FBXL7: variants seen among roughly 807,000 people sequenced by gnomAD.
The protein encoded by FBXL7 is F-box and leucine rich repeat protein 7.
A neutral mutation model predicts 38.3 loss-of-function variants in FBXL7; 12 were observed. That is an observed-to-expected ratio of 0.31 (90% CI 0.20 to 0.51). FBXL7 has a LOEUF of 0.51. Ranked by LOEUF, FBXL7 falls within the 20% of genes least tolerant of loss-of-function variation. The pLI, the probability that FBXL7 is intolerant of heterozygous loss-of-function variation, is 0.98. For missense variants in FBXL7, 567 were observed against 676.4 expected (o/e 0.84, Z 1.79); for synonymous variants, 297 against 300.9 (o/e 0.99, Z 0.13).
intron 2 of FBXL7, among the ~76,000 whole-genome samples, chr5:15,861,305 G>A (rs1477996756): frequency 1.3e-5 from 2 of 152,216 alleles, no homozygotes; most frequent in Non-Finnish European, 2.9e-5. Flanking sequence ...TGTATCTGAA[G>A]TCTTTGAAAA....
chr5:15,924,148 G>T (rs915530218), intron 2 of FBXL7, among the ~76,000 whole-genome samples: 6 of 151,914 alleles, frequency 3.9e-5, no homozygotes, highest in Admixed American at 2.0e-4. Flanking sequence ...GTCCAAAATT[G>T]GTTTATATTT....
intron 1 of FBXL7, among the ~76,000 whole-genome samples, chr5:15,607,923 A>G (rs1740084444): frequency 6.6e-6 from 1 of 152,250 alleles, no homozygotes; most frequent in African/African-American, 2.4e-5. Context: ...AAATTAAAGA[A>G]GGCACAAAAT....
intron 2 of FBXL7, among the ~76,000 whole-genome samples, chr5:15,922,873 T>G: frequency 6.6e-6 from 1 of 152,202 alleles, no homozygotes; most frequent in East Asian, 1.9e-4. Context: ...TTTAGCCCAA[T>G]GCATATCATC....
intron 2 of FBXL7, among the ~76,000 whole-genome samples, chr5:15,751,107 A>G (rs1278859276): frequency 1.3e-5 from 2 of 152,130 alleles, no homozygotes; most frequent in South Asian, 2.1e-4. Context: ...CCAAGGTGCT[A>G]TGATTTCTGA....
intron 2 of FBXL7, among the ~76,000 whole-genome samples, chr5:15,766,541 A>G (rs1736597042): frequency 6.6e-6 from 1 of 152,226 alleles, no homozygotes; most frequent in Non-Finnish European, 1.5e-5. Flanking sequence ...AGTAGCCAGG[A>G]GCCAGATCTA....
intron 1 of FBXL7, among the ~76,000 whole-genome samples, chr5:15,602,728 T>TC (rs571378204): frequency 3.4e-4 from 52 of 151,190 alleles, no homozygotes; most frequent in African/African-American, 1.3e-3. Flanking sequence ...CCCTTTACCC[T>TC]CCCCCCAAAA....
At chr5:15,632,216 A>G (rs1340142676) in intron 2 of FBXL7, among the ~76,000 whole-genome samples, 1 of 152,198 alleles carries the variant, frequency 6.6e-6, no homozygotes, top group Non-Finnish European at 1.5e-5. Context: ...AACGTCCTTT[A>G]TTATACCTTA....
chr5:15,682,727 G>A (rs758950627), intron 2 of FBXL7, among the ~76,000 whole-genome samples: 5 of 152,152 alleles, frequency 3.3e-5, no homozygotes, highest in East Asian at 3.9e-4. Flanking sequence ...AAGGGCTCTT[G>A]GTTAAGGGGA....
At chr5:15,543,386 C>T (rs1183394623) in intron 1 of FBXL7, among the ~76,000 whole-genome samples, 1 of 152,192 alleles carries the variant, frequency 6.6e-6, no homozygotes, top group Non-Finnish European at 1.5e-5. Context: ...TCAATTGTGT[C>T]CACCTGGCTC....
intron 2 of FBXL7, among the ~76,000 whole-genome samples, chr5:15,766,959 G>C (rs749376411): frequency 3.9e-5 from 6 of 152,046 alleles, no homozygotes; most frequent in Non-Finnish European, 7.4e-5. Flanking sequence ...AAACAACTCT[G>C]TTTTAAAAAT....
At chr5:15,727,158 C>T (rs1463409915) in intron 2 of FBXL7, among the ~76,000 whole-genome samples, 2 of 152,028 alleles carry the variant, frequency 1.3e-5, no homozygotes, top group Non-Finnish European at 2.9e-5. Context: ...ACAAAATTAC[C>T]TCTTTATACA....
chr5:15,895,485 A>T (rs1277722750), intron 2 of FBXL7, among the ~76,000 whole-genome samples: 1 of 152,154 alleles, frequency 6.6e-6, no homozygotes, highest in African/African-American at 2.4e-5. Flanking sequence ...TTAAAATATC[A>T]TAAGTAAAGA....
At chr5:15,514,321 G>A (rs1580346032) in intron 1 of FBXL7, among the ~76,000 whole-genome samples, 1 of 151,942 alleles carries the variant, frequency 6.6e-6, no homozygotes, top group East Asian at 1.9e-4. Context: ...TTTTGCTGTC[G>A]CTGAAGATCA....
intron 1 of FBXL7, among the ~76,000 whole-genome samples, chr5:15,513,997 T>A (rs979422500): frequency 1.3e-5 from 2 of 152,180 alleles, no homozygotes; most frequent in Non-Finnish European, 2.9e-5. Flanking sequence ...TGGGGAGTCT[T>A]TCTGCACTCC....
intron 1 of FBXL7, among the ~76,000 whole-genome samples, chr5:15,596,868 C>T (rs2126487861): frequency 6.6e-6 from 1 of 152,306 alleles, no homozygotes; most frequent in East Asian, 1.9e-4. Flanking sequence ...CATGCCCCTT[C>T]CCACATACCT....
intron 2 of FBXL7, among the ~76,000 whole-genome samples, chr5:15,764,843 G>A (rs1405973878): frequency 4.6e-5 from 7 of 152,330 alleles, no homozygotes; most frequent in African/African-American, 1.4e-4. Context: ...ATAATCTAGA[G>A]CAGAAGTTTA....
chr5:15,701,404 C>A (rs1411755822), intron 2 of FBXL7, among the ~76,000 whole-genome samples: 14 of 152,214 alleles, frequency 9.2e-5, no homozygotes, highest in Non-Finnish European at 1.8e-4. Flanking sequence ...AATTTACCAG[C>A]TATTCATCAG....
At chr5:15,893,072 C>A (rs565772586) in intron 2 of FBXL7, among the ~76,000 whole-genome samples, 3 of 150,658 alleles carry the variant, frequency 2.0e-5, no homozygotes, top group African/African-American at 7.3e-5. Context: ...GCGGAGATCA[C>A]GCCACTGCAC....
At chr5:15,540,638 A>G (rs1053437357) in intron 1 of FBXL7, among the ~76,000 whole-genome samples, 2 of 152,190 alleles carry the variant, frequency 1.3e-5, no homozygotes. Context: ...GCTTATAGAC[A>G]TTTATTCTTT....
Sources: allele counts gnomAD v4.1 joint callset (sites outside exome capture counted in the v4.1 genomes callset), GRCh38; gene constraint gnomAD v4.1.1; transcripts MANE v1.5; gene names NCBI Gene and HGNC (gene_info 2026-07-23, HGNC 2026-07-21).